Variants in C3orf70 observed in about 807,000 individuals in gnomAD.
C3orf70 encodes UPF0524 protein C3orf70.
C3orf70 carries 15 observed loss-of-function variants against 20.7 expected under a neutral mutation model. The observed-to-expected ratio is 0.72, with a 90% CI of 0.48 to 1.11. The LOEUF (loss-of-function observed/expected upper bound fraction) is 1.11, where lower values mean the gene tolerates loss of function less well. Ranked by LOEUF, C3orf70 falls within the 50% of genes most tolerant of loss-of-function variation. C3orf70 has a pLI of 0.00. For missense variants in C3orf70, 332 were observed against 317.6 expected (o/e 1.05, Z -0.34); for synonymous variants, 161 against 125.7 (o/e 1.28, Z -1.88).
intron 1 of C3orf70, among the ~76,000 whole-genome samples, chr3:185,091,603 GC>G (rs1447526337): frequency 6.6e-6 from 1 of 151,902 alleles, no homozygotes; most frequent in Non-Finnish European, 1.5e-5. Flanking sequence ...TGTGAAGGTG[GC>G]AGAGCCCAGG....
chr3:185,129,093 T>C (rs1489914253), intron 1 of C3orf70, among the ~76,000 whole-genome samples: 2 of 152,208 alleles, frequency 1.3e-5, no homozygotes, highest in African/African-American at 4.8e-5. Context: ...TTAAATACAT[T>C]AGACATGACT....
At chr3:185,144,094 T>G (rs1716809470) in intron 1 of C3orf70, among the ~76,000 whole-genome samples, 1 of 152,148 alleles carries the variant, frequency 6.6e-6, no homozygotes, top group Non-Finnish European at 1.5e-5. Context: ...TCAAAACATG[T>G]ATTTTTATTC....
intron 1 of C3orf70, among the ~76,000 whole-genome samples, chr3:185,099,692 G>A (rs1262165892): frequency 6.6e-6 from 1 of 151,836 alleles, no homozygotes; most frequent in Non-Finnish European, 1.5e-5. Flanking sequence ...CATGATAGCA[G>A]GATCAGATCC....
intron 1 of C3orf70, among the ~76,000 whole-genome samples, chr3:185,108,774 C>T (rs1190757737): frequency 6.6e-6 from 1 of 152,238 alleles, no homozygotes; most frequent in African/African-American, 2.4e-5. Context: ...AGGACTGGAA[C>T]CTAACTCTCT....
chr3:185,152,596 G>C, intron 1 of C3orf70, 32 bp downstream of exon 1: 1 of 1,521,320 alleles, frequency 6.6e-7, no homozygotes, highest in Non-Finnish European at 8.8e-7. Context: ...CCCGGACCGC[G>C]GCGGAAGGCG....
intron 1 of C3orf70, among the ~76,000 whole-genome samples, chr3:185,147,946 C>T (rs961509339): frequency 1.2e-4 from 18 of 152,164 alleles, no homozygotes; most frequent in African/African-American, 3.9e-4. Flanking sequence ...CATCTTCATA[C>T]TCTTTCTTGA....
At chr3:185,104,915 T>C (rs781049710) in intron 1 of C3orf70, among the ~76,000 whole-genome samples, 1 of 152,174 alleles carries the variant, frequency 6.6e-6, no homozygotes, top group African/African-American at 2.4e-5. Context: ...CGAACTCCTA[T>C]GGCATAAATT....
At position 185,077,797 on chromosome 3, in the gene C3orf70, G is replaced by A. The variant is rs531211013; in HGVS notation, c.*5210C>T. 2.0e-5 allele frequency among the ~76,000 whole-genome samples: 3 copies of A among 150,304 alleles called. No homozygotes were observed. The highest frequency in any genetic ancestry group is 2.2e-4 in the South Asian group (1 of 4,636). ...ATGCTATTTGGTGGTGGTGGGGGGG[G>A]GGTATCAAGTTTTATTTGCTATAAA... On this transcript the variant is annotated 3_prime_UTR_variant, in exon 2 of 2. Transcript: ENST00000335012.
intron 1 of C3orf70, among the ~76,000 whole-genome samples, chr3:185,123,155 G>T (rs1438004611): frequency 7.0e-6 from 1 of 143,494 alleles, no homozygotes; most frequent in Non-Finnish European, 1.5e-5. Context: ...CTCCAGCCTG[G>T]GTGACAGACC....
chr3:185,094,948 T>C (rs917289112), intron 1 of C3orf70, among the ~76,000 whole-genome samples: 1 of 152,040 alleles, frequency 6.6e-6, no homozygotes, highest in African/African-American at 2.4e-5. Flanking sequence ...CTGTATTAAG[T>C]GTCTGCACTC....
rs1553918792 is a variant in C3orf70 at position 185,079,288 on chromosome 3, A to AAAAAATAATAAAAT, written c.*3718_*3719insATTTTATTATTTTT. 18 of 148,100 alleles carry AAAAAATAATAAAAT rather than the reference A, an allele frequency of 1.2e-4. No individual in the cohort carries two copies. Among genetic ancestry groups the AAAAAATAATAAAAT allele is most frequent in the African/African-American group, 4.4e-4 (17 of 38,984 alleles). 9.2% of individuals were successfully genotyped at this position (148,100 alleles called of 1,614,324 possible). A position where few individuals can be genotyped will look rare whatever the true frequency, so the allele number is the denominator to read the frequency against. On this transcript the variant is annotated 3_prime_UTR_variant, in exon 2 of 2. Coordinates refer to ENST00000335012, the MANE Select transcript of C3orf70 (RefSeq NM_001025266.3). ...GGAGCGAGACTCTGTCTCAAAAAAA[A>AAAAAATAATAAAAT]AAAAAAAAAAAAAAAAGTAAAGCCA...
Position 185,152,575 on chromosome 3 carries a change from G to A in C3orf70, c.196+53C>T, listed in dbSNP as rs921986801. Reference sequence around the variant, plus strand: ...TTCCGGCAGCGACCCCGGACGGCCCGGCGGGCGTCCCCCGGACCGCGGCGG... The same window carrying A: ...TTCCGGCAGCGACCCCGGACGGCCCAGCGGGCGTCCCCCGGACCGCGGCGG... On this transcript the variant is annotated intron_variant, in intron 1 of 1. Coordinates refer to ENST00000335012, the MANE Select transcript of C3orf70 (RefSeq NM_001025266.3). 8.8e-6 allele frequency: 13 copies of A among 1,483,342 alleles called. No homozygotes were observed. The African/African-American group carries it at 1.5e-4, about 17-fold the overall frequency. The allele number at this position is 1,483,342 out of a possible 1,614,324, so 91.9% of individuals were successfully genotyped here.
intron 1 of C3orf70, among the ~76,000 whole-genome samples, chr3:185,108,507 C>T (rs1478094738): frequency 6.6e-6 from 1 of 152,202 alleles, no homozygotes; most frequent in African/African-American, 2.4e-5. Context: ...AGAATGCACC[C>T]TTTTTACATC....
chr3:185,146,921 C>T (rs1378277884), intron 1 of C3orf70, among the ~76,000 whole-genome samples: 1 of 152,222 alleles, frequency 6.6e-6, no homozygotes, highest in East Asian at 1.9e-4. Flanking sequence ...TCCTTCTCTC[C>T]CTACAGAAAA....
intron 1 of C3orf70, among the ~76,000 whole-genome samples, chr3:185,106,186 A>C (rs1715935377): frequency 6.6e-6 from 1 of 152,142 alleles, no homozygotes; most frequent in South Asian, 2.1e-4. Context: ...TGAGAGAGTG[A>C]TTTAGAGGCT....
chr3:185,146,063 A>C (rs529459261), intron 1 of C3orf70, among the ~76,000 whole-genome samples: 2 of 152,154 alleles, frequency 1.3e-5, no homozygotes, highest in East Asian at 1.9e-4. Context: ...TGTCTCTCGA[A>C]GAACCTATCA....
At chr3:185,109,208 G>A (rs1439171169) in intron 1 of C3orf70, among the ~76,000 whole-genome samples, 1 of 152,236 alleles carries the variant, frequency 6.6e-6, no homozygotes, top group African/African-American at 2.4e-5. Flanking sequence ...AAGGCCAGAT[G>A]TTATCAGCAG....
At chr3:185,101,856 T>C (rs1715830241) in intron 1 of C3orf70, among the ~76,000 whole-genome samples, 3 of 152,160 alleles carry the variant, frequency 2.0e-5, no homozygotes, top group Admixed American at 2.0e-4. Flanking sequence ...AGAAAAAGGC[T>C]TTCAATAAAG....
Position 185,077,371 on chromosome 3 carries a change from T to C in C3orf70, c.*5636A>G, listed in dbSNP as rs527639452. ...CACTCATGTACGAGCTGTGCCACAC[T>C]GGGTAAAGATGTGGACTTCTTGAGC... is the stretch of plus-strand genomic sequence containing the variant. On this transcript the variant is annotated 3_prime_UTR_variant, in exon 2 of 2. Coordinates refer to ENST00000335012, the MANE Select transcript of C3orf70 (RefSeq NM_001025266.3). Among the ~76,000 whole-genome samples, 46 of 152,276 alleles carry C rather than the reference T, an allele frequency of 3.0e-4. No homozygotes were observed. Among genetic ancestry groups the C allele is most frequent in the African/African-American group, 1.1e-3 (44 of 41,546 alleles).
Sources: allele counts gnomAD v4.1 joint callset (sites outside exome capture counted in the v4.1 genomes callset), GRCh38; gene constraint gnomAD v4.1.1; transcripts MANE v1.5; gene names NCBI Gene and HGNC (gene_info 2026-07-23, HGNC 2026-07-21).